The following BCAR3 variants were observed in gnomAD, a reference collection of about 807,000 sequenced individuals.
BCAR3 encodes the protein BCAR3 adaptor protein, NSP family member.
In BCAR3, 37 loss-of-function variants were observed where a neutral mutation model predicts 80.1. The ratio of observed to expected loss-of-function variants is 0.46; its 90% CI spans 0.36 to 0.61. BCAR3 has a LOEUF of 0.61. Ranked by LOEUF, BCAR3 falls within the 20% of genes least tolerant of loss-of-function variation. The pLI, the probability that BCAR3 is intolerant of heterozygous loss-of-function variation, is 0.00. For missense variants in BCAR3, 978 were observed against 1,068.2 expected, an observed-to-expected ratio of 0.92 and a Z score of 1.18; for synonymous variants, 389 against 418.9, an observed-to-expected ratio of 0.93 and a Z score of 0.87.
At chr1:93,614,741 G>T (rs1270471102) in intron 3 of BCAR3, among the ~76,000 whole-genome samples, 1 of 152,144 alleles carries the variant, frequency 6.6e-6, no homozygotes, top group Non-Finnish European at 1.5e-5. Context: ...GGAGGATGGG[G>T]ACTGTGTACC....
chr1:93,623,795 TG>T (rs1675382491), intron 3 of BCAR3, among the ~76,000 whole-genome samples: 1 of 152,212 alleles, frequency 6.6e-6, no homozygotes, highest in African/African-American at 2.4e-5. Flanking sequence ...TAACATACTG[TG>T]TCTGGCTCTG....
At chr1:93,676,064 G>A (rs539952740) in intron 1 of BCAR3, among the ~76,000 whole-genome samples, 41 of 151,788 alleles carry the variant, frequency 2.7e-4, no homozygotes, top group African/African-American at 9.7e-4. Context: ...CCCTTCCCAC[G>A]GGCTGGTGAG....
chr1:93,762,832 A>G (rs1651999994), intron 2 of BCAR3, among the ~76,000 whole-genome samples: 1 of 151,948 alleles, frequency 6.6e-6, no homozygotes, highest in Non-Finnish European at 1.5e-5. Flanking sequence ...CCTGAATCAT[A>G]GTCAATTAAT....
intron 2 of BCAR3, among the ~76,000 whole-genome samples, chr1:93,721,905 T>C (rs1243665736): frequency 2.6e-5 from 4 of 152,252 alleles, no homozygotes; most frequent in Non-Finnish European, 4.4e-5. Flanking sequence ...CTATGAGGAC[T>C]AAAGGAGTTA....
intron 8 of BCAR3, 106 bp downstream of exon 8, chr1:93,575,908 C>A (rs1451126402): frequency 9.9e-6 from 9 of 905,090 alleles, no homozygotes; most frequent in East Asian, 2.6e-5. Flanking sequence ...AGTACTGTTA[C>A]CCCAGGGCTA....
chr1:93,598,469 G>C (rs1292606048), intron 3 of BCAR3, among the ~76,000 whole-genome samples: 1 of 152,192 alleles, frequency 6.6e-6, no homozygotes, highest in Non-Finnish European at 1.5e-5. Context: ...CCAGGCCTAG[G>C]AACTGAGGGT....
intron 2 of BCAR3, among the ~76,000 whole-genome samples, chr1:93,727,590 T>G (rs1650638045): frequency 6.6e-6 from 1 of 152,206 alleles, no homozygotes; most frequent in Non-Finnish European, 1.5e-5. Context: ...AGGTACCTTT[T>G]AATCCAGACT....
intron 1 of BCAR3, among the ~76,000 whole-genome samples, chr1:93,846,241 C>A (rs966120559): frequency 6.6e-6 from 1 of 152,214 alleles, no homozygotes; most frequent in African/African-American, 2.4e-5. Flanking sequence ...GCATTTGAGG[C>A]CTGGCGATGC....
chr1:93,749,135 C>A (rs529288178), intron 2 of BCAR3, among the ~76,000 whole-genome samples: 1 of 148,240 alleles, frequency 6.7e-6, no homozygotes, highest in Admixed American at 6.7e-5. Flanking sequence ...CCCACACACA[C>A]AAACAAATAA....
intron 3 of BCAR3, among the ~76,000 whole-genome samples, chr1:93,690,840 T>C (rs1457478554): frequency 6.6e-6 from 1 of 152,218 alleles, no homozygotes; most frequent in Non-Finnish European, 1.5e-5. Context: ...CTTTAATGTA[T>C]ATTCGTTTTC....
At chr1:93,713,805 C>A (rs1650105951) in intron 2 of BCAR3, among the ~76,000 whole-genome samples, 2 of 152,090 alleles carry the variant, frequency 1.3e-5, no homozygotes, top group South Asian at 4.2e-4. Context: ...CTGTAGTGAG[C>A]CTTCAAATGT....
chr1:93,650,753 G>A (rs1676297053), intron 2 of BCAR3, among the ~76,000 whole-genome samples: 2 of 152,016 alleles, frequency 1.3e-5, no homozygotes, highest in African/African-American at 2.4e-5. Flanking sequence ...CAAAAAATTC[G>A]GTGATGGGCA....
chr1:93,755,978 T>C (rs953794796), intron 2 of BCAR3, among the ~76,000 whole-genome samples: 2 of 152,188 alleles, frequency 1.3e-5, no homozygotes, highest in Non-Finnish European at 2.9e-5. Flanking sequence ...AGCTTGCTAC[T>C]GAAGTTCACC....
chr1:93,638,645 G>C (rs1675876158), intron 3 of BCAR3, among the ~76,000 whole-genome samples: 1 of 152,192 alleles, frequency 6.6e-6, no homozygotes, highest in Non-Finnish European at 1.5e-5. Flanking sequence ...TTCCAGAGCT[G>C]TACGCCAGGA....
At chr1:93,674,496 C>A in intron 2 of BCAR3, 118 bp downstream of exon 2, 1 of 1,099,086 alleles carries the variant, frequency 9.1e-7, no homozygotes, top group South Asian at 1.5e-5. Flanking sequence ...ATGATCCACC[C>A]ATCTCAGCCT....
intron 2 of BCAR3, among the ~76,000 whole-genome samples, chr1:93,837,241 A>T (rs12137687): frequency 0.29 from 43,684 of 152,134 alleles, 7,222 homozygotes; most frequent in East Asian, 0.53. Context: ...TAAAAATAAA[A>T]AAATAAATAA....
At chr1:93,591,168 TAAAAA>T (rs35143036) in intron 4 of BCAR3, among the ~76,000 whole-genome samples, 5 of 66,342 alleles carry the variant, frequency 7.5e-5, no homozygotes, top group Non-Finnish European at 1.0e-4. Flanking sequence ...TCTACTACAT[TAAAAA>T]AAAAAAAAAA....
chr1:93,781,801 C>T (rs958543303), intron 2 of BCAR3, among the ~76,000 whole-genome samples: 3 of 152,184 alleles, frequency 2.0e-5, no homozygotes, highest in African/African-American at 7.2e-5. Flanking sequence ...TTACTTTTAC[C>T]TTCTCCCTGT....
At chr1:93,646,787 T>G (rs2101914954) in intron 2 of BCAR3, among the ~76,000 whole-genome samples, 1 of 152,266 alleles carries the variant, frequency 6.6e-6, no homozygotes, top group South Asian at 2.1e-4. Flanking sequence ...GTTATTGGAA[T>G]AAATAACCTT....
Sources: allele counts gnomAD v4.1 joint callset (sites outside exome capture counted in the v4.1 genomes callset), GRCh38; gene constraint gnomAD v4.1.1; transcripts MANE v1.5; gene names NCBI Gene and HGNC (gene_info 2026-07-23, HGNC 2026-07-21).